Variants in SV2C observed in about 807,000 individuals in gnomAD.
The protein encoded by SV2C is synaptic vesicle glycoprotein 2C, also known as solute carrier family 22 member B3.
In SV2C, 49 loss-of-function variants were observed where a neutral mutation model predicts 79.7. That is an observed-to-expected ratio of 0.61 (90% CI 0.49 to 0.78). SV2C has a LOEUF of 0.78. Among genes scored for constraint, SV2C ranks in the 30% least tolerant of loss-of-function variants. SV2C has a pLI of 0.00. For synonymous variants in SV2C, 334 were observed against 333.2 expected (o/e 1.00, Z -0.03); for missense variants, 833 against 912.9 (o/e 0.91, Z 1.13).
chr5:76,199,688 A>G (rs1157438399), intron 3 of SV2C, among the ~76,000 whole-genome samples: 1 of 152,270 alleles, frequency 6.6e-6, no homozygotes, highest in African/African-American at 2.4e-5. Context: ...AGCAACCAGC[A>G]TAGTCTGACT....
intron 1 of SV2C, among the ~76,000 whole-genome samples, chr5:76,105,201 G>T (rs1334634121): frequency 6.6e-6 from 1 of 152,182 alleles, no homozygotes; most frequent in African/African-American, 2.4e-5. Flanking sequence ...ACCACCAGAA[G>T]TTAGGAGAGG....
chr5:76,066,543 A>G, the SV2C span, among the ~76,000 whole-genome samples: 110 of 151,922 alleles, frequency 7.2e-4, no homozygotes, highest in Middle Eastern at 6.8e-3. Flanking sequence ...AACATGGCAC[A>G]TGTATACATA....
chr5:75,958,566 C>T, the SV2C span, among the ~76,000 whole-genome samples: 1 of 151,968 alleles, frequency 6.6e-6, no homozygotes, highest in African/African-American at 2.4e-5. Flanking sequence ...CATCCTTCGC[C>T]CTGACTTTGG....
chr5:76,168,015 G>T (rs530570393), intron 2 of SV2C, among the ~76,000 whole-genome samples: 1 of 152,236 alleles, frequency 6.6e-6, no homozygotes, highest in Admixed American at 6.5e-5. Flanking sequence ...ATGAAATCCA[G>T]TCGTTTGTAA....
At chr5:76,094,723 C>T (rs1747491879) in intron 1 of SV2C, among the ~76,000 whole-genome samples, 1 of 152,094 alleles carries the variant, frequency 6.6e-6, no homozygotes, top group African/African-American at 2.4e-5. Context: ...CTGCATACCA[C>T]ACCTTCTGTA....
chr5:76,154,554 C>T (rs1742664055), intron 2 of SV2C, among the ~76,000 whole-genome samples: 1 of 152,186 alleles, frequency 6.6e-6, no homozygotes, highest in Non-Finnish European at 1.5e-5. Context: ...CTCCAGACCA[C>T]ACAGAGCTGC....
chr5:76,037,141 T>G, the SV2C span, among the ~76,000 whole-genome samples: 13 of 152,332 alleles, frequency 8.5e-5, no homozygotes, highest in African/African-American at 3.1e-4. Flanking sequence ...TAGTTATACC[T>G]TCTTCTAAAT....
At chr5:75,879,488 G>T in the SV2C span, among the ~76,000 whole-genome samples, 1 of 152,210 alleles carries the variant, frequency 6.6e-6, no homozygotes, top group South Asian at 2.1e-4. Context: ...ACCCAGAAGG[G>T]TAGTCCTTAA....
chr5:76,290,798 T>C (rs1747536316), intron 6 of SV2C, among the ~76,000 whole-genome samples: 1 of 152,198 alleles, frequency 6.6e-6, no homozygotes, highest in South Asian at 2.1e-4. Flanking sequence ...TTCAGAACTA[T>C]AGTTAGGGGT....
chr5:75,968,170 G>A, the SV2C span, among the ~76,000 whole-genome samples: 9 of 152,250 alleles, frequency 5.9e-5, no homozygotes, highest in African/African-American at 1.9e-4. Context: ...AAACCCATCT[G>A]TACGTCACCA....
intron 4 of SV2C, among the ~76,000 whole-genome samples, chr5:76,210,088 A>G (rs1744725540): frequency 6.6e-6 from 1 of 152,230 alleles, no homozygotes; most frequent in South Asian, 2.1e-4. Flanking sequence ...CCTTCTGGTT[A>G]TATGAATGTA....
At chr5:75,946,811 AGTACT>A in the SV2C span, among the ~76,000 whole-genome samples, 2 of 152,124 alleles carry the variant, frequency 1.3e-5, no homozygotes, top group African/African-American at 4.8e-5. Flanking sequence ...GGGAGTCAAA[AGTACT>A]GTTCTATCAT....
intron 2 of SV2C, among the ~76,000 whole-genome samples, chr5:76,190,137 G>C (rs1270738557): frequency 6.6e-6 from 1 of 152,176 alleles, no homozygotes; most frequent in Non-Finnish European, 1.5e-5. Context: ...ACTTTATTGG[G>C]TTGGTGAAAT....
the SV2C span, among the ~76,000 whole-genome samples, chr5:76,027,382 CTT>C: frequency 4.6e-5 from 7 of 151,114 alleles, no homozygotes; most frequent in Middle Eastern, 6.8e-3. Context: ...TTTTATTATC[CTT>C]TTTTTTTGTC....
At chr5:76,303,665 G>A (rs1264299064) in intron 12 of SV2C, among the ~76,000 whole-genome samples, 2 of 152,080 alleles carry the variant, frequency 1.3e-5, no homozygotes, top group Non-Finnish European at 2.9e-5. Flanking sequence ...CTCATAAATT[G>A]AAATTGGTCA....
chr5:75,955,135 C>G, the SV2C span, among the ~76,000 whole-genome samples: 626 of 150,920 alleles, frequency 4.1e-3, 5 homozygotes, highest in African/African-American at 0.015. Context: ...CACTACCTGA[C>G]TTCAAACTAT....
the SV2C span, among the ~76,000 whole-genome samples, chr5:75,930,008 C>T: frequency 6.6e-6 from 1 of 152,192 alleles, no homozygotes; most frequent in Non-Finnish European, 1.5e-5. Context: ...TTCCTCTTAG[C>T]TACCAGGAGA....
At chr5:76,192,065 A>T (rs1170781336) in intron 2 of SV2C, among the ~76,000 whole-genome samples, 1 of 152,102 alleles carries the variant, frequency 6.6e-6, no homozygotes, top group Non-Finnish European at 1.5e-5. Flanking sequence ...ACATCTTTGG[A>T]GTTAAAATAC....
chr5:75,918,328 A>C, the SV2C span, among the ~76,000 whole-genome samples: 2 of 152,252 alleles, frequency 1.3e-5, no homozygotes, highest in African/African-American at 4.8e-5. Flanking sequence ...CAAAAGAAAT[A>C]AACAGGGGCT....
Sources: allele counts gnomAD v4.1 joint callset (sites outside exome capture counted in the v4.1 genomes callset), GRCh38; gene constraint gnomAD v4.1.1; transcripts MANE v1.5; gene names NCBI Gene and HGNC (gene_info 2026-07-23, HGNC 2026-07-21).